ANKRD1: variants seen among roughly 807,000 people sequenced by gnomAD.
The protein encoded by ANKRD1 is ankyrin repeat domain-containing protein 1.
Under a neutral mutation model 40.1 loss-of-function variants are expected in ANKRD1, and 32 were observed. That is an observed-to-expected ratio of 0.80 (90% CI 0.60 to 1.07). The LOEUF is 1.07. Ranked by LOEUF, ANKRD1 falls within the 50% of genes least tolerant of loss-of-function variation. ANKRD1 has a pLI of 0.00. For missense variants in ANKRD1, 359 were observed against 386.0 expected, an observed-to-expected ratio of 0.93 and a Z score of 0.59; for synonymous variants, 149 against 141.2, an observed-to-expected ratio of 1.06 and a Z score of -0.39.
chr10:90,914,330 A>G (rs927177586), intron 8 of ANKRD1, among the ~76,000 whole-genome samples: 11 of 152,032 alleles, frequency 7.2e-5, no homozygotes, highest in Non-Finnish European at 7.4e-5. Flanking sequence ...CTCTTCCATA[A>G]ATTCCTTGCA....
chr10:90,916,095 A>T, intron 6 of ANKRD1, 76 bp downstream of exon 6: 2 of 571,134 alleles, frequency 3.5e-6, no homozygotes, highest in Non-Finnish European at 5.5e-6. Context: ...GAGGGGGAAG[A>T]GTGGGAGAAG....
At position 90,918,972 on chromosome 10, in the gene ANKRD1, T is replaced by C. The variant is rs774406553; in HGVS notation, c.346A>G (p.Thr116Ala). ...VVKEPEPEII[T>A]EPVDVPTFLK... is the part of the protein sequence containing the mutation. ...AACGTAGGCACATCCACAGGTTCCGTCTAAAGCCAAAATAAATAAATATAT... is the reference window on the plus strand; with the variant it reads ...AACGTAGGCACATCCACAGGTTCCGCCTAAAGCCAAAATAAATAAATATAT... Residue 116 changes from threonine (T) to alanine (A), a missense_variant and splice_region_variant, in exon 4 of 9, where the codon ACG becomes GCG. Physicochemically the swap from Thr to Ala is moderately conservative, Grantham distance 58. Coordinates refer to ENST00000371697, the MANE Select transcript of ANKRD1 (RefSeq NM_014391.3). 1.3e-6 allele frequency: 2 copies of C among 1,563,784 alleles called. No individual in the cohort carries two copies. Among genetic ancestry groups the C allele is most frequent in the South Asian group, 1.1e-5 (1 of 89,314 alleles).
intron 4 of ANKRD1, 66 bp from the exon 5 acceptor site, chr10:90,917,896 G>A (rs1847389489): frequency 1.5e-6 from 2 of 1,325,050 alleles, no homozygotes; most frequent in Non-Finnish European, 2.2e-6. Context: ...ACCCTTTTAA[G>A]AGCTATGAAG....
Position 90,920,325 on chromosome 10 carries a change from A to G in ANKRD1, c.51T>C (p.Asn17=), listed in dbSNP as rs1383685353. The G allele has an allele frequency of 5.6e-6, 9 of 1,613,942 alleles. No individual in the cohort carries two copies. Among genetic ancestry groups the G allele is most frequent in the Non-Finnish European group, 8.5e-7 (1 of 1,179,988 alleles). ...CAGGAAGGAATTCCCCTGCCTCCCCATTGCCATTCTTCTTTCCAGTGACCT... is the reference window on the plus strand; with the variant it reads ...CAGGAAGGAATTCCCCTGCCTCCCCGTTGCCATTCTTCTTTCCAGTGACCT... The part of the protein sequence containing the change: ...EELVTGKKNG[N]GEAGEFLPED... The change falls in exon 2 of 9, where the codon AAT becomes AAC. Residue 17 remains asparagine (N), a synonymous_variant. Transcript: ENST00000371697.
chr10:90,920,435 CCTT>C, intron 1 of ANKRD1, 87 bp from the exon 2 acceptor site: 1 of 1,505,706 alleles, frequency 6.6e-7, no homozygotes, highest in Non-Finnish European at 9.2e-7. Flanking sequence ...GGCTCTTGGT[CCTT>C]CTCCCCTGGG....
rs71025330 is a variant in ANKRD1 at position 90,912,291 on chromosome 10, T to TAA, written c.*573_*574dup. The TAA allele has an allele frequency of 0.029, 2,067 of 70,530 alleles. 115 individuals carry two copies. Among genetic ancestry groups the TAA allele is most frequent in the African/African-American group, 0.035 (746 of 21,538 alleles). 4.4% of individuals were successfully genotyped at this position (70,530 alleles called of 1,614,324 possible). A position where few individuals can be genotyped will look rare whatever the true frequency, so the allele number is the denominator to read the frequency against. On this transcript the variant is annotated 3_prime_UTR_variant, in exon 9 of 9. Transcript: ENST00000371697. ...TCACTTGGGTACTCTGTGTACTCGG[T>TAA]AAAAAAAAAAAAAAAAAAAAAAAAA...
Position 90,916,186 on chromosome 10 carries a change from A to C in ANKRD1, c.636T>G (p.Ile212Met), listed in dbSNP as rs779876669. ...GAAGGAATACCTTATCTCGGGCGCT[A>C]ATTTTTGCTCCTTTATTCAGCAACA... ...LKLLLNKGAK[I>M]SARDKLLSTA... is the part of the protein sequence containing the mutation. Residue 212 changes from isoleucine (I) to methionine (M), a missense_variant, in exon 6 of 9, where the codon ATT becomes ATG. Coordinates refer to ENST00000371697, the MANE Select transcript of ANKRD1 (RefSeq NM_014391.3). 1 of 1,613,480 alleles carries C rather than the reference A, an allele frequency of 6.2e-7. No homozygotes were observed. The highest frequency in any genetic ancestry group is 1.3e-5 in the African/African-American group (1 of 74,766).
chr10:90,918,526 G>T (rs896219373), intron 4 of ANKRD1, among the ~76,000 whole-genome samples: 14 of 151,596 alleles, frequency 9.2e-5, no homozygotes, highest in African/African-American at 3.4e-4. Context: ...TGACGTGCTT[G>T]GTTTTAATCA....
In ANKRD1 at chr10:90,912,879, A is replaced by G. The variant is rs774666943; in HGVS notation, c.947T>C (p.Ile316Thr). The G allele has an allele frequency of 3.7e-6, 6 of 1,613,796 alleles. No homozygotes were observed. The highest frequency in any genetic ancestry group is 2.7e-5 in the African/African-American group (2 of 74,918). ...CTGTCGTTTGCCTCAGAATGTAGCT[A>G]TGCGAGAGGTCTTGTAGGAGTTCTC... ...LRENSYKTSR[I>T]ATF is the part of the protein sequence containing the mutation. Residue 316 changes from isoleucine (I) to threonine (T), a missense_variant, in exon 9 of 9, where the codon ATA becomes ACA. By Grantham distance (89) the Ile-to-Thr change is moderately conservative. Coordinates refer to ENST00000371697, the MANE Select transcript of ANKRD1 (RefSeq NM_014391.3).
rs759885570 is a variant in ANKRD1, at chr10:90,915,874, T to G, written c.658A>C (p.Ser220Arg). ...AKISARDKLL[S>R]TALHVAVRTG... ...CTCACCGCCACATGCAGCGCTGTGC[T>G]GAGCAACTGGAAAATTGGAAAACGC... The change falls in exon 7 of 9, where the codon AGC becomes CGC. Residue 220 changes from serine to arginine, a missense_variant. Ser to Arg is a moderately radical substitution (Grantham distance 110). Transcript: ENST00000371697. 6.2e-7 allele frequency: 1 copy of G among 1,608,788 alleles called. No individual in the cohort carries two copies. The highest frequency in any genetic ancestry group is 2.2e-5 in the East Asian group (1 of 44,702).
rs1224465205 is a variant in ANKRD1, at chr10:90,915,637, C to G, written c.755G>C (p.Gly252Ala). The G allele has an allele frequency of 6.2e-7, 1 of 1,613,642 alleles. No homozygotes were observed. The highest frequency in any genetic ancestry group is 8.5e-7 in the Non-Finnish European group (1 of 1,179,780). ...EADLNAKDREGDTPLHDAVRL... is the reference protein window; with the variant it reads ...EADLNAKDREADTPLHDAVRL... ...CACCGCATCATGCAACGGGGTATCT[C>G]CTTCCTAGAGAAGCAGAGTCAACAG... The change falls in exon 8 of 9, where the codon GGA (glycine) becomes GCA (alanine). Residue 252 changes from glycine (G) to alanine (A), a missense_variant. Physicochemically the swap from Gly to Ala is moderately conservative, Grantham distance 60. Transcript: ENST00000371697.
At chr10:90,915,956 G>C in intron 6 of ANKRD1, 76 bp from the exon 7 acceptor site, 2 of 1,465,156 alleles carry the variant, frequency 1.4e-6, no homozygotes, top group Non-Finnish European at 1.9e-6. Flanking sequence ...ACATGTGCGA[G>C]GGGGAGAAGT....
chr10:90,916,429 CATGT>C (rs977949133), intron 5 of ANKRD1, among the ~76,000 whole-genome samples, 160 bp from the exon 6 acceptor site: 30 of 139,748 alleles, frequency 2.1e-4, no homozygotes, highest in Middle Eastern at 3.6e-3. Flanking sequence ...AGCTAAATTA[CATGT>C]GTGTGTGTGT....
intron 7 of ANKRD1, 48 bp from the exon 8 acceptor site, chr10:90,915,689 G>A (rs781117843): frequency 3.1e-6 from 5 of 1,608,046 alleles, no homozygotes; most frequent in Non-Finnish European, 3.4e-6. Context: ...AGGCCAGGAA[G>A]TGGGTCCTGC....
rs551198213 is a variant in ANKRD1, at chr10:90,920,272, G to C, written c.104C>G (p.Ala35Gly). Residue 35 changes from alanine (A) to glycine (G), a missense_variant, in exon 2 of 9, where the codon GCT (alanine) becomes GGT (glycine). Physicochemically the swap from Ala to Gly is moderately conservative, Grantham distance 60. Coordinates refer to ENST00000371697, the MANE Select transcript of ANKRD1 (RefSeq NM_014391.3). The part of the protein sequence containing the change: ...PEDFRDGEYE[A>G]AVTLEKQEDL... ...CTCCTGCTTCTCTAAAGTAACAGCA[G>C]CTTCATACTCTCCATCTCTGAAATC... The C allele has an allele frequency of 6.2e-7, 1 of 1,614,082 alleles. No individual in the cohort carries two copies. Among genetic ancestry groups the C allele is most frequent in the Admixed American group, 1.7e-5 (1 of 60,026 alleles).
chr10:90,921,064 G>A lies in ANKRD1; in HGVS notation c.-37C>T. ...GAGTCTTGTATGTTTTTCTGTCGTGGAAGGAATCCCTGGAGTTGGCCCTGC... is the reference window on the plus strand; with the variant it reads ...GAGTCTTGTATGTTTTTCTGTCGTGAAAGGAATCCCTGGAGTTGGCCCTGC... On this transcript the variant is annotated 5_prime_UTR_variant, in exon 1 of 9. Transcript: ENST00000371697. 1 of 1,612,532 alleles carries A rather than the reference G, an allele frequency of 6.2e-7. No homozygotes were observed.
At position 90,915,783 on chromosome 10, in the gene ANKRD1, CTG is replaced by C. The variant is rs1204485025; in HGVS notation, c.747_748del (p.Asp249GlufsTer9). ...ACCCGAGCGTGTCCAGCTACTCACT[CTG>C]TCTTTGGCGTTGAGGTCTGCCTCAC... is the stretch of plus-strand genomic sequence containing the variant. On this transcript the variant is annotated frameshift_variant and splice_region_variant, in exon 7 of 9. Transcript: ENST00000371697. LOFTEE classifies it high-confidence loss of function. 1 of 1,613,792 alleles carries C rather than the reference CTG, an allele frequency of 6.2e-7. No individual in the cohort carries two copies. The highest frequency in any genetic ancestry group is 1.7e-5 in the Admixed American group (1 of 59,978).
Position 90,918,913 on chromosome 10 carries a change from T to TA in ANKRD1, c.404dup (p.Val136SerfsTer15). ...TCTTGTCTGACAAGAATTTTTCTAC[T>TA]ACTGGCAGTTTATTCTCCAGAGCAG... On this transcript the variant is annotated frameshift_variant, in exon 4 of 9. Coordinates refer to ENST00000371697, the MANE Select transcript of ANKRD1 (RefSeq NM_014391.3). LOFTEE classifies it high-confidence loss of function. 5 of 1,612,072 alleles carry TA rather than the reference T, an allele frequency of 3.1e-6. No homozygotes were observed. The highest frequency in any genetic ancestry group is 4.2e-6 in the Non-Finnish European group (5 of 1,179,658).
intron 6 of ANKRD1, 67 bp from the exon 7 acceptor site, chr10:90,915,947 CAT>C (rs1042203568): frequency 2.4e-5 from 36 of 1,514,890 alleles, no homozygotes; most frequent in African/African-American, 1.1e-4. Flanking sequence ...GACCCCAAGA[CAT>C]GTGCGAGGGG....
Sources: allele counts gnomAD v4.1 joint callset (sites outside exome capture counted in the v4.1 genomes callset), GRCh38; gene constraint gnomAD v4.1.1; transcripts MANE v1.5; gene names NCBI Gene and HGNC (gene_info 2026-07-23, HGNC 2026-07-21).